The following VPS13C variants were observed in gnomAD, a reference collection of about 807,000 sequenced individuals.
VPS13C encodes the protein vacuolar protein sorting 13 homolog C.
Under a neutral mutation model 456.8 loss-of-function variants are expected in VPS13C, and 358 were observed. That is an observed-to-expected ratio of 0.78 (90% CI 0.72 to 0.86). The LOEUF (loss-of-function observed/expected upper bound fraction) is 0.86, where lower values mean the gene tolerates loss of function less well. Ranked by LOEUF, VPS13C falls within the 40% of genes least tolerant of loss-of-function variation. VPS13C has a pLI of 0.00. For synonymous variants in VPS13C, 1,578 were observed against 1,486.7 expected, an observed-to-expected ratio of 1.06 and a Z score of -1.41; for missense variants, 4,818 against 4,385.4, an observed-to-expected ratio of 1.10 and a Z score of -2.79.
At position 61,853,841 on chromosome 15, in the gene VPS13C, C is replaced by A; in HGVS notation, c.*616G>T. On this transcript the variant is annotated 3_prime_UTR_variant, in exon 85 of 85. Transcript: ENST00000644861. Reference sequence around the variant, plus strand: ...ACAAGGTCAGGAGTTCGAGACTAGACTGACCAACATGGTGAAACTCATCTC... The same window carrying A: ...ACAAGGTCAGGAGTTCGAGACTAGAATGACCAACATGGTGAAACTCATCTC... The A allele has an allele frequency of 6.6e-6, 1 of 151,234 alleles. No individual in the cohort carries two copies. The highest frequency in any genetic ancestry group is 1.5e-5 in the Non-Finnish European group (1 of 68,204). The allele number at this position is 151,234 out of a possible 1,614,324, so 9.4% of individuals were successfully genotyped here. A position where few individuals can be genotyped will look rare whatever the true frequency, so the allele number is the denominator to read the frequency against.
chr15:61,932,436 A>G (rs1338848365), intron 49 of VPS13C, among the ~76,000 whole-genome samples: 2 of 152,170 alleles, frequency 1.3e-5, no homozygotes, highest in East Asian at 3.8e-4. Flanking sequence ...CCCAAACTAA[A>G]TATTTAAATT....
chr15:61,863,730 A>G (rs953741259), intron 81 of VPS13C: 3 of 409,492 alleles, frequency 7.3e-6, no homozygotes, highest in African/African-American at 6.2e-5. Context: ...CTTAAAAGAA[A>G]AACATGTAAT....
intron 58 of VPS13C, 33 bp downstream of exon 58, chr15:61,919,256 C>G (rs769323027): frequency 6.4e-7 from 1 of 1,566,376 alleles, no homozygotes; most frequent in South Asian, 1.2e-5. Context: ...TCTTGGTACA[C>G]TGAAAGGGAT....
chr15:61,904,715 A>G (rs1566986475), intron 66 of VPS13C, among the ~76,000 whole-genome samples: 1 of 152,148 alleles, frequency 6.6e-6, no homozygotes, highest in Non-Finnish European at 1.5e-5. Flanking sequence ...AATAGCTAAG[A>G]TATGGAACCA....
chr15:61,866,033 T>C, intron 81 of VPS13C: 1 of 984,248 alleles, frequency 1.0e-6, no homozygotes, highest in Non-Finnish European at 1.2e-6. Context: ...ATTTCCATGT[T>C]TTGTTTTACT....
At chr15:61,864,736 G>A (rs1437588158) in intron 81 of VPS13C, 11 of 985,360 alleles carry the variant, frequency 1.1e-5, no homozygotes, top group Non-Finnish European at 1.3e-5. Flanking sequence ...TCAGAGAGGA[G>A]TGCAGATTTC....
At chr15:61,893,523 G>GAA (rs201526327) in intron 66 of VPS13C, among the ~76,000 whole-genome samples, 1 of 148,538 alleles carries the variant, frequency 6.7e-6, no homozygotes, top group Non-Finnish European at 1.5e-5. Flanking sequence ...ATGTTAAAAT[G>GAA]AAAAAAAAAT....
chr15:61,976,774 T>C (rs186554165), intron 24 of VPS13C, among the ~76,000 whole-genome samples: 2 of 152,180 alleles, frequency 1.3e-5, no homozygotes, highest in East Asian at 3.9e-4. Context: ...TATATGGGAT[T>C]TCATTATCAA....
chr15:61,952,039 T>C, intron 38 of VPS13C, 59 bp from the exon 39 acceptor site: 2 of 1,560,026 alleles, frequency 1.3e-6, no homozygotes, highest in Admixed American at 1.8e-5. Flanking sequence ...TGAAGGTAAG[T>C]CAAGAATTTA....
chr15:61,972,504 G>T, intron 27 of VPS13C, 121 bp downstream of exon 27: 2 of 981,194 alleles, frequency 2.0e-6, no homozygotes, highest in Non-Finnish European at 3.0e-6. Context: ...ATGTGTGTTG[G>T]GCAGCAGGAA....
chr15:61,944,616 AG>A (rs1567032550), intron 45 of VPS13C, among the ~76,000 whole-genome samples: 2 of 152,128 alleles, frequency 1.3e-5, no homozygotes, highest in African/African-American at 4.8e-5. Flanking sequence ...TGGGAAAAAA[AG>A]ACACTGCGGA....
At chr15:62,038,823 C>T (rs1034537203) in intron 3 of VPS13C, among the ~76,000 whole-genome samples, 3 of 151,988 alleles carry the variant, frequency 2.0e-5, no homozygotes, top group African/African-American at 7.2e-5. Flanking sequence ...ATAAGAAATA[C>T]AAGAAGCCAA....
At position 61,908,981 on chromosome 15, in the gene VPS13C, T is replaced by C. The variant is rs1454369390; in HGVS notation, c.8978+11A>G. Reference sequence around the variant, plus strand: ...ATAAAAGTATTTCCCATTAACCCTTTTTTCTCATACCTCTGTTTGTATGTG... The same window carrying C: ...ATAAAAGTATTTCCCATTAACCCTTCTTTCTCATACCTCTGTTTGTATGTG... On this transcript the variant is annotated intron_variant, in intron 65 of 84. Coordinates refer to ENST00000644861, the MANE Select transcript of VPS13C (RefSeq NM_020821.3). 6.2e-7 allele frequency: 1 copy of C among 1,612,414 alleles called. No individual in the cohort carries two copies. The highest frequency in any genetic ancestry group is 8.5e-7 in the Non-Finnish European group (1 of 1,179,288).
At chr15:61,905,207 G>C (rs1043739841) in intron 66 of VPS13C, among the ~76,000 whole-genome samples, 1 of 152,146 alleles carries the variant, frequency 6.6e-6, no homozygotes, top group Non-Finnish European at 1.5e-5. Context: ...CACATTTTAT[G>C]TATGTATCAA....
At chr15:61,874,019 T>C (rs895159966) in intron 77 of VPS13C, among the ~76,000 whole-genome samples, 1 of 148,992 alleles carries the variant, frequency 6.7e-6, no homozygotes, top group Non-Finnish European at 1.5e-5. Context: ...TGAAAACCGG[T>C]CATTCACAGC....
rs554319565 is a variant in VPS13C, at chr15:61,915,657, C to T, written c.8421G>A (p.Lys2807=). ...FRDIILFSFK[K]KNIFTKNKVQ... is the part of the protein sequence containing the mutation. ...CCTTATTTTTAGTAAAAATGTTCTT[C>T]TTCTTGAAAGAAAATAAAATAATAT... The change falls in exon 61 of 85, where the codon AAG becomes AAA. Residue 2807 remains lysine, a synonymous_variant. Transcript: ENST00000644861. The T allele has an allele frequency of 3.8e-6, 6 of 1,598,118 alleles. No individual in the cohort carries two copies. In the South Asian group the frequency reaches 5.7e-5, roughly 15 times the overall value.
chr15:61,951,490 G>A (rs1023291486), intron 39 of VPS13C, among the ~76,000 whole-genome samples: 7 of 152,220 alleles, frequency 4.6e-5, no homozygotes, highest in Non-Finnish European at 4.4e-5. Flanking sequence ...GGAAGGACAT[G>A]AGACTACAGA....
rs1452115111 is a variant in VPS13C at position 61,925,469 on chromosome 15, T to C, written c.6596A>G (p.Glu2199Gly). The C allele has an allele frequency of 6.4e-7, 1 of 1,568,598 alleles. No individual in the cohort carries two copies. The highest frequency in any genetic ancestry group is 1.8e-5 in the Admixed American group (1 of 54,768). ...GTAAGTACTAACCTTAATTATAAAT[T>C]CTTTAACCATAATATTTATATTTTG... Reference protein sequence around the residue: ...GKQNINIMVKEFIIKISPIIL... With the variant: ...GKQNINIMVKGFIIKISPIIL... The change falls in exon 53 of 85, where the codon GAA (glutamate) becomes GGA (glycine). Residue 2199 changes from glutamate to glycine, a missense_variant. Glu to Gly is a moderately conservative substitution (Grantham distance 98). Coordinates refer to ENST00000644861, the MANE Select transcript of VPS13C (RefSeq NM_020821.3).
At chr15:61,950,898 C>T (rs193108961) in intron 40 of VPS13C, 47 bp downstream of exon 40, 1 of 953,816 alleles carries the variant, frequency 1.0e-6, no homozygotes, top group South Asian at 1.8e-5. Flanking sequence ...GGTAATATAA[C>T]TTCATATATT....
Sources: gnomAD v4.1 joint callset for allele counts (sites outside exome capture counted in the v4.1 genomes callset) on GRCh38, gnomAD v4.1.1 for gene constraint, MANE v1.5 for transcripts, NCBI Gene and HGNC (gene_info 2026-07-23, HGNC 2026-07-21) for gene names.